HUS1: variants seen among roughly 807,000 people sequenced by gnomAD.
The protein encoded by HUS1 is checkpoint protein HUS1.
A neutral mutation model predicts 32.6 loss-of-function variants in HUS1; 31 were observed. The ratio of observed to expected loss-of-function variants is 0.95; its 90% confidence interval spans 0.72 to 1.28. HUS1 has a LOEUF of 1.28. HUS1 is among the 50% of genes most tolerant of loss of function. The pLI is 0.00. For missense variants in HUS1, 340 were observed against 337.7 expected, an observed-to-expected ratio of 1.01 and a Z score of -0.05; for synonymous variants, 123 against 116.6, an observed-to-expected ratio of 1.06 and a Z score of -0.36.
chr7:47,978,797 G>A lies in HUS1; in HGVS notation c.72C>T (p.Ala24=), dbSNP rs1788765048. ...GGAGGGTGCAGGTTTTGGCAAGCTTGGCTATCATGTTACTGATTCCTAAAG... is the reference window on the plus strand; with the variant it reads ...GGAGGGTGCAGGTTTTGGCAAGCTTAGCTATCATGTTACTGATTCCTAAAG... ...NHFTRISNMI[A]KLAKTCTLRI... The change falls in exon 2 of 8, where the codon GCC becomes GCT. Residue 24 remains alanine (A), a synonymous_variant. Coordinates refer to ENST00000258774, the MANE Select transcript of HUS1 (RefSeq NM_004507.4). The A allele has an allele frequency of 6.2e-7, 1 of 1,614,110 alleles. No individual in the cohort carries two copies. Among genetic ancestry groups the A allele is most frequent in the South Asian group, 1.1e-5 (1 of 91,066 alleles).
rs1462299515 is a variant in HUS1 at position 47,965,110 on chromosome 7, A to G, written c.*246T>C. The G allele has an allele frequency of 8.4e-6, 3 of 357,882 alleles. No homozygotes were observed. Among genetic ancestry groups the G allele is most frequent in the Non-Finnish European group, 1.5e-5 (3 of 193,684 alleles). 22.2% of individuals were successfully genotyped at this position (357,882 alleles called of 1,614,324 possible). On this transcript the variant is annotated 3_prime_UTR_variant, in exon 8 of 8. Coordinates refer to ENST00000258774, the MANE Select transcript of HUS1 (RefSeq NM_004507.4). ...ATTGTTCTTTAAAGTCTGAATAAAT[A>G]AATTCTAGCTTTTCTTTTCAGTGTC...
chr7:47,971,051 G>A lies in HUS1; in HGVS notation c.541-1733C>T, dbSNP rs556501034. ...ACAGGAATGAAGAGGACAGAATAAC[G>A]TGTAGTAATAAAATTTTATGCTCTG... On this transcript the variant is annotated intron_variant, in intron 5 of 7. Coordinates refer to ENST00000258774, the MANE Select transcript of HUS1 (RefSeq NM_004507.4). 5.3e-5 allele frequency among the ~76,000 whole-genome samples: 8 copies of A among 152,284 alleles called. No individual in the cohort carries two copies. In the East Asian group the frequency reaches 1.2e-3, roughly 22 times the overall value.
chr7:47,978,558 G>A lies in HUS1; in HGVS notation c.216C>T (p.Val72=), dbSNP rs766003678. 1 of 1,614,048 alleles carries A rather than the reference G, an allele frequency of 6.2e-7. No homozygotes were observed. The highest frequency in any genetic ancestry group is 8.5e-7 in the Non-Finnish European group (1 of 1,180,004). The change falls in exon 3 of 8, where the codon GTC becomes GTT. Residue 72 remains valine, a synonymous_variant. Coordinates refer to ENST00000258774, the MANE Select transcript of HUS1 (RefSeq NM_004507.4). ...AATAAATCTCATTGTTTTCTGCAGA[G>A]ACACCCTCCATTTGAAATTCGTTGA... ...NFFNEFQMEG[V]SAENNEIYLE...
At chr7:47,977,373 C>CA (rs3176514) in intron 3 of HUS1, among the ~76,000 whole-genome samples, 7,069 of 152,302 alleles carry the variant, frequency 0.046, 339 homozygotes, top group African/African-American at 0.12. Context: ...ATAGGACACT[C>CA]AGAGTGCTGC....
In HUS1 at chr7:47,978,608, A is replaced by G. The variant is rs76116855; in HGVS notation, c.181-15T>C. Reference sequence around the variant, plus strand: ...AAGAAGTTCTCCTAAGGGAAAAAAAATGAGGGATGAGGGAGGGTATATGTG... The same window carrying G: ...AAGAAGTTCTCCTAAGGGAAAAAAAGTGAGGGATGAGGGAGGGTATATGTG... On this transcript the variant is annotated splice_polypyrimidine_tract_variant and intron_variant, in intron 2 of 7. Coordinates refer to ENST00000258774, the MANE Select transcript of HUS1 (RefSeq NM_004507.4). The G allele has an allele frequency of 6.2e-6, 10 of 1,613,196 alleles. No homozygotes were observed. The Admixed American group carries it at 1.7e-4, about 27-fold the overall frequency.
At chr7:47,970,015 C>T (rs866024306) in intron 5 of HUS1, among the ~76,000 whole-genome samples, 1 of 151,844 alleles carries the variant, frequency 6.6e-6, no homozygotes, top group South Asian at 2.1e-4. Flanking sequence ...GGGCGGATCA[C>T]GAGGTCAGGA....
intron 4 of HUS1, 53 bp downstream of exon 4, chr7:47,976,677 C>T: frequency 3.1e-6 from 3 of 974,922 alleles, no homozygotes; most frequent in Non-Finnish European, 5.0e-6. Flanking sequence ...CTAGAGAATT[C>T]AAGTCATGCC....
intron 5 of HUS1, among the ~76,000 whole-genome samples, chr7:47,970,292 A>G (rs1379615282): frequency 6.6e-6 from 1 of 151,818 alleles, no homozygotes; most frequent in East Asian, 1.9e-4. Context: ...ACACAACAAC[A>G]TAAATCAGAA....
At chr7:47,977,857 G>A (rs923572940) in intron 3 of HUS1, among the ~76,000 whole-genome samples, 3 of 152,186 alleles carry the variant, frequency 2.0e-5, no homozygotes, top group Non-Finnish European at 4.4e-5. Context: ...TCGCGCCACT[G>A]CACTCCAGCC....
intron 4 of HUS1, chr7:47,976,446 A>C (rs1381602729): frequency 2.0e-6 from 1 of 493,248 alleles, no homozygotes; most frequent in Non-Finnish European, 4.0e-6. Context: ...TTGGTGTCTA[A>C]GGCCAAGAAT....
chr7:47,978,432 C>A lies in HUS1; in HGVS notation c.342G>T (p.Thr114=). 6.2e-7 allele frequency: 1 copy of A among 1,614,062 alleles called. No individual in the cohort carries two copies. The highest frequency in any genetic ancestry group is 8.5e-7 in the Non-Finnish European group (1 of 1,179,904). ...TCCTACTCACCAGCTCCACGGAGACCGTGAGGCAGGGAAAGTGTTTATTAG... is the reference window on the plus strand; with the variant it reads ...TCCTACTCACCAGCTCCACGGAGACAGTGAGGCAGGGAAAGTGTTTATTAG... ...KLTNKHFPCL[T]VSVELLSMSS... The change falls in exon 3 of 8, where the codon ACG becomes ACT. Residue 114 remains threonine, a synonymous_variant. Coordinates refer to ENST00000258774, the MANE Select transcript of HUS1 (RefSeq NM_004507.4).
intron 3 of HUS1, among the ~76,000 whole-genome samples, chr7:47,977,317 C>T (rs971491706): frequency 3.3e-5 from 5 of 152,142 alleles, no homozygotes; most frequent in African/African-American, 1.2e-4. Context: ...CAGAAAGAAG[C>T]AAGCCTGCTA....
chr7:47,971,301 C>T, intron 5 of HUS1: 1 of 325,444 alleles, frequency 3.1e-6, no homozygotes, highest in South Asian at 2.4e-5. Flanking sequence ...GGGTCTGGGG[C>T]TGCTGTTGGG....
chr7:47,965,541 G>GC (rs1488002839), intron 7 of HUS1, 103 bp from the exon 8 acceptor site: 1 of 740,436 alleles, frequency 1.4e-6, no homozygotes, highest in African/African-American at 1.7e-5. Flanking sequence ...CCTGTTTTAG[G>GC]CATCTGTCTT....
In HUS1 at chr7:47,965,150, A is replaced by C; in HGVS notation, c.*206T>G. On this transcript the variant is annotated 3_prime_UTR_variant, in exon 8 of 8. Transcript: ENST00000258774. ...TTTTCAGTGTCTTAAAAACAAAGCAAAACAGACATGAGCAACATGAAGTGA... is the reference window on the plus strand; with the variant it reads ...TTTTCAGTGTCTTAAAAACAAAGCACAACAGACATGAGCAACATGAAGTGA... 2 of 440,788 alleles carry C rather than the reference A, an allele frequency of 4.5e-6. No homozygotes were observed. The highest frequency in any genetic ancestry group is 8.2e-6 in the Non-Finnish European group (2 of 243,494). The allele number at this position is 440,788 out of a possible 1,614,324, so 27.3% of individuals were successfully genotyped here.
At chr7:47,975,736 C>G (rs747742038) in intron 4 of HUS1, 49 bp from the exon 5 acceptor site, 12 of 1,088,602 alleles carry the variant, frequency 1.1e-5, no homozygotes, top group Non-Finnish European at 1.6e-5. Flanking sequence ...TATTAATATA[C>G]TCTAGTAATG....
chr7:47,969,237 G>T lies in HUS1; in HGVS notation c.622C>A (p.Leu208Ile). 3 of 1,562,154 alleles carry T rather than the reference G, an allele frequency of 1.9e-6. No homozygotes were observed. The highest frequency in any genetic ancestry group is 1.8e-6 in the Non-Finnish European group (2 of 1,142,452). ...LVCVTTHFKDLGNPPLASEST... is the reference protein window; with the variant it reads ...LVCVTTHFKDIGNPPLASEST... ...AACTTACCTAATGGAGGATTTCCAA[G>T]ATCTTTAAAATGAGTTGTAACACAT... is the stretch of plus-strand genomic sequence containing the variant. The change falls in exon 6 of 8, where the codon CTT (leucine) becomes ATT (isoleucine). Residue 208 changes from leucine (L) to isoleucine (I), a missense_variant. Leu to Ile is a conservative substitution (Grantham distance 5). Transcript: ENST00000258774.
chr7:47,971,932 G>A (rs1788608805), intron 5 of HUS1, among the ~76,000 whole-genome samples: 1 of 152,078 alleles, frequency 6.6e-6, no homozygotes, highest in Non-Finnish European at 1.5e-5. Flanking sequence ...TTTCTAATTT[G>A]GGTGAGCTCT....
intron 6 of HUS1, 41 bp from the exon 7 acceptor site, chr7:47,967,966 C>G (rs180887261): frequency 1.2e-4 from 198 of 1,587,766 alleles, no homozygotes; most frequent in Admixed American, 2.7e-4. Context: ...CATCTTCCCA[C>G]GTAACAGGAA....
Sources: gnomAD v4.1 joint callset for allele counts (sites outside exome capture counted in the v4.1 genomes callset) on GRCh38, gnomAD v4.1.1 for gene constraint, MANE v1.5 for transcripts, NCBI Gene and HGNC (gene_info 2026-07-23, HGNC 2026-07-21) for gene names.